CCDC171: variants seen among roughly 807,000 people sequenced by gnomAD.
CCDC171 encodes the protein coiled-coil domain containing 171, also known as coiled-coil domain-containing protein 171.
Under a neutral mutation model 168.2 loss-of-function variants are expected in CCDC171, and 177 were observed. The ratio of observed to expected loss-of-function variants is 1.05; its 90% CI spans 0.93 to 1.19. The LOEUF is 1.19. Among genes scored for constraint, CCDC171 ranks in the 50% most tolerant of loss-of-function variants. The pLI, the probability that CCDC171 is intolerant of heterozygous loss-of-function variation, is 0.00. For synonymous variants in CCDC171, 687 were observed against 540.8 expected (o/e 1.27, Z -3.75); for missense variants, 1,991 against 1,539.0 (o/e 1.29, Z -4.91).
chr9:15,586,217 A>T (rs533726160), intron 4 of CCDC171, among the ~76,000 whole-genome samples: 1 of 152,334 alleles, frequency 6.6e-6, no homozygotes, highest in South Asian at 2.1e-4. Flanking sequence ...AATATCTGAT[A>T]AAGCAAATAT....
intron 25 of CCDC171, among the ~76,000 whole-genome samples, chr9:15,955,602 A>G (rs1829712015): frequency 6.6e-6 from 1 of 152,156 alleles, no homozygotes; most frequent in Admixed American, 6.6e-5. Flanking sequence ...GAAATTAATC[A>G]TAATTTACTG....
chr9:15,754,228 GA>G (rs2055948451), intron 18 of CCDC171, among the ~76,000 whole-genome samples: 1 of 152,130 alleles, frequency 6.6e-6, no homozygotes, highest in African/African-American at 2.4e-5. Context: ...TTGTATGGTA[GA>G]GAGAGCATTA....
chr9:15,623,889 A>C (rs989382456), intron 7 of CCDC171, among the ~76,000 whole-genome samples: 5 of 152,228 alleles, frequency 3.3e-5, no homozygotes, highest in African/African-American at 1.2e-4. Flanking sequence ...ACAGATGAAA[A>C]ACAGGATTTT....
intron 7 of CCDC171, among the ~76,000 whole-genome samples, chr9:15,632,592 C>T (rs888615170): frequency 2.0e-5 from 3 of 152,140 alleles, no homozygotes; most frequent in Admixed American, 6.6e-5. Context: ...AATGGCCATA[C>T]TCCCCAAGGT....
chr9:15,846,246 C>G (rs555115769), intron 21 of CCDC171, among the ~76,000 whole-genome samples: 26 of 152,072 alleles, frequency 1.7e-4, no homozygotes, highest in Non-Finnish European at 3.2e-4. Context: ...TTGGGTTTAC[C>G]ATTTTCTTAT....
chr9:15,746,055 C>G (rs1014558670), intron 18 of CCDC171, among the ~76,000 whole-genome samples: 2 of 151,910 alleles, frequency 1.3e-5, no homozygotes, highest in African/African-American at 2.4e-5. Flanking sequence ...TTTACTTTTT[C>G]TAGTTTATTT....
At position 15,729,665 on chromosome 9, in the gene CCDC171, A is replaced by C; in HGVS notation, c.1916A>C (p.Gln639Pro). 1 of 1,613,334 alleles carries C rather than the reference A, an allele frequency of 6.2e-7. No individual in the cohort carries two copies. The highest frequency in any genetic ancestry group is 2.2e-5 in the East Asian group (1 of 44,854). Residue 639 changes from glutamine (Q) to proline (P), a missense_variant, in exon 16 of 26, where the codon CAG (glutamine) becomes CCG (proline). Gln to Pro is a moderately conservative substitution (Grantham distance 76). Coordinates refer to ENST00000380701, the MANE Select transcript of CCDC171 (RefSeq NM_173550.4). ...AAGTCTGACACGATGAGAGAGCTTC[A>C]GCAGACTCAGGAAGACACCTTTACC... ...KNKSDTMREL[Q>P]QTQEDTFTKV...
chr9:15,660,914 C>G (rs911992568), intron 8 of CCDC171, among the ~76,000 whole-genome samples: 4 of 152,192 alleles, frequency 2.6e-5, no homozygotes, highest in Non-Finnish European at 4.4e-5. Flanking sequence ...TCCGCAGTGG[C>G]TGAACTAATT....
chr9:16,025,642 C>G (rs1218257018), intron 6 of CCDC171, among the ~76,000 whole-genome samples: 1 of 152,122 alleles, frequency 6.6e-6, no homozygotes, highest in African/African-American at 2.4e-5. Flanking sequence ...CATGCAATAA[C>G]ATAGATGAAC....
intron 25 of CCDC171, among the ~76,000 whole-genome samples, chr9:15,922,540 C>T (rs541738167): frequency 3.3e-5 from 5 of 151,556 alleles, no homozygotes; most frequent in South Asian, 2.1e-4. Context: ...TAGAGGAGTG[C>T]GCATATCTCT....
chr9:15,948,838 T>A (rs1828746678), intron 25 of CCDC171, among the ~76,000 whole-genome samples: 1 of 151,528 alleles, frequency 6.6e-6, no homozygotes, highest in East Asian at 1.9e-4. Context: ...TAGATCCCAT[T>A]TGTCAATTTT....
At chr9:15,774,626 T>C (rs1168445999) in intron 18 of CCDC171, among the ~76,000 whole-genome samples, 1 of 152,190 alleles carries the variant, frequency 6.6e-6, no homozygotes, top group Admixed American at 6.5e-5. Flanking sequence ...GAGGAAAAGA[T>C]GTCGTTATAC....
At chr9:15,785,876 T>C (rs1196789761) in intron 21 of CCDC171, among the ~76,000 whole-genome samples, 1 of 152,112 alleles carries the variant, frequency 6.6e-6, no homozygotes, top group Non-Finnish European at 1.5e-5. Flanking sequence ...TAGGTACTAT[T>C]ATTATGATTT....
At chr9:15,732,410 A>C (rs2054206839) in intron 16 of CCDC171, among the ~76,000 whole-genome samples, 1 of 151,956 alleles carries the variant, frequency 6.6e-6, no homozygotes, top group South Asian at 2.1e-4. Context: ...TTCCCACTTC[A>C]CTTGTTCAGC....
At chr9:15,992,135 A>T (rs1832221480) in intron 3 of CCDC171, among the ~76,000 whole-genome samples, 1 of 152,186 alleles carries the variant, frequency 6.6e-6, no homozygotes, top group Admixed American at 6.5e-5. Flanking sequence ...AAAAAAAGAG[A>T]ATTTTAGACC....
chr9:15,849,519 C>A (rs75967826), intron 23 of CCDC171, among the ~76,000 whole-genome samples: 1 of 151,314 alleles, frequency 6.6e-6, no homozygotes, highest in Non-Finnish European at 1.5e-5. Flanking sequence ...TAGTGATGAA[C>A]AGCATAATAA....
At chr9:15,952,850 G>A (rs781457697) in intron 25 of CCDC171, among the ~76,000 whole-genome samples, 1 of 152,028 alleles carries the variant, frequency 6.6e-6, no homozygotes, top group Non-Finnish European at 1.5e-5. Flanking sequence ...TGTTTTTAAT[G>A]TCTTTCAGCA....
the CCDC171 span, among the ~76,000 whole-genome samples, chr9:16,085,118 C>T: frequency 6.6e-6 from 1 of 152,192 alleles, no homozygotes; most frequent in Non-Finnish European, 1.5e-5. Context: ...GGCAGCATGT[C>T]AGCCTGTGCC....
intron 7 of CCDC171, among the ~76,000 whole-genome samples, chr9:15,651,433 A>G (rs1026296744): frequency 5.3e-5 from 8 of 150,146 alleles, no homozygotes; most frequent in African/African-American, 2.0e-4. Flanking sequence ...TTTAATAGAG[A>G]TGAGATCTCA....
Sources: gnomAD v4.1 joint callset for allele counts (sites outside exome capture counted in the v4.1 genomes callset) on GRCh38, gnomAD v4.1.1 for gene constraint, MANE v1.5 for transcripts, NCBI Gene and HGNC (gene_info 2026-07-23, HGNC 2026-07-21) for gene names.